Variants in CNTLN observed in about 807,000 individuals in gnomAD.
The protein encoded by CNTLN is centlein, centrosomal protein.
CNTLN carries 212 observed loss-of-function variants against 180.0 expected under a neutral mutation model. The ratio of observed to expected loss-of-function variants is 1.18; its 90% confidence interval spans 1.05 to 1.32. CNTLN has a LOEUF of 1.32. Ranked by LOEUF, CNTLN falls within the 40% of genes most tolerant of loss-of-function variation. The pLI, the probability that CNTLN is intolerant of heterozygous loss-of-function variation, is 0.00. For synonymous variants in CNTLN, 722 were observed against 563.1 expected (o/e 1.28, Z -3.99); for missense variants, 2,095 against 1,610.9 (o/e 1.30, Z -5.14).
rs141898296 is a variant in CNTLN at position 17,451,898 on chromosome 9, C to G, written c.3115-5626C>G. The stretch of plus-strand genomic sequence containing the variant: ...AAAGACTGAACTGTGTCTTTGAATG[C>G]TGTAGGATGGATATTGTCCAGAAAA... On this transcript the variant is annotated intron_variant, in intron 18 of 25. Transcript: ENST00000380647. 1.1e-3 allele frequency among the ~76,000 whole-genome samples: 173 copies of G among 152,258 alleles called. 1 individual carries two copies. The highest frequency in any genetic ancestry group is 4.0e-3 in the African/African-American group (165 of 41,552).
rs1278793391 is a variant in CNTLN at position 17,309,144 on chromosome 9, G to A, written c.1233G>A (p.Gln411=). 1.2e-6 allele frequency: 2 copies of A among 1,610,784 alleles called. No individual in the cohort carries two copies. Among genetic ancestry groups the A allele is most frequent in the South Asian group, 2.2e-5 (2 of 90,490 alleles). ...AAAGTGTTACTAATCTTCAGGATCAGCTATTACAAAAAGAGCAAGAAAATG... is the reference window on the plus strand; with the variant it reads ...AAAGTGTTACTAATCTTCAGGATCAACTATTACAAAAAGAGCAAGAAAATG... ...LRQSVTNLQD[Q]LLQKEQENAK... is the part of the protein sequence containing the mutation. The change falls in exon 8 of 26, where the codon CAG becomes CAA. Residue 411 remains glutamine (Q), a synonymous_variant. Coordinates refer to ENST00000380647, the MANE Select transcript of CNTLN (RefSeq NM_017738.4).
chr9:17,158,468 A>T (rs951190872), intron 2 of CNTLN, among the ~76,000 whole-genome samples: 1 of 151,950 alleles, frequency 6.6e-6, no homozygotes, highest in African/African-American at 2.4e-5. Context: ...TTCTTTTTTA[A>T]ATATTTGGTA....
intron 25 of CNTLN, among the ~76,000 whole-genome samples, chr9:17,497,111 G>A (rs1163929015): frequency 6.6e-6 from 1 of 152,128 alleles, no homozygotes; most frequent in East Asian, 1.9e-4. Context: ...TTTTGTGCTG[G>A]TATCATTGCC....
chr9:17,308,176 A>G (rs1451969010), intron 7 of CNTLN, among the ~76,000 whole-genome samples: 1 of 152,180 alleles, frequency 6.6e-6, no homozygotes, highest in African/African-American at 2.4e-5. Flanking sequence ...TGTTAACCTT[A>G]TATTACTGTC....
chr9:17,183,007 AGTCTGGTGTCTGC>A (rs1420756351), intron 2 of CNTLN, among the ~76,000 whole-genome samples: 4 of 152,178 alleles, frequency 2.6e-5, no homozygotes, highest in Admixed American at 6.5e-5. Flanking sequence ...GTGTCTTCAA[AGTCTGGTGTCTGC>A]ATCTGTGAGT....
intron 12 of CNTLN, among the ~76,000 whole-genome samples, chr9:17,354,685 A>T (rs990506478): frequency 1.1e-4 from 17 of 152,002 alleles, no homozygotes; most frequent in Non-Finnish European, 2.5e-4. Flanking sequence ...GCCCTGTCAA[A>T]AGAGGCCACT....
chr9:17,301,890 C>T (rs1818382082), intron 7 of CNTLN: 7 of 931,718 alleles, frequency 7.5e-6, no homozygotes, highest in Non-Finnish European at 7.7e-6. Context: ...TATTTGTTAG[C>T]ACACTAGTAT....
intron 12 of CNTLN, among the ~76,000 whole-genome samples, chr9:17,344,353 G>A (rs1283875328): frequency 2.6e-5 from 4 of 152,126 alleles, no homozygotes; most frequent in Admixed American, 6.6e-5. Flanking sequence ...AGCAATTTGT[G>A]AAATAGTTAT....
chr9:17,437,706 A>G (rs1222891151), intron 18 of CNTLN, among the ~76,000 whole-genome samples: 3 of 152,222 alleles, frequency 2.0e-5, no homozygotes, highest in Non-Finnish European at 2.9e-5. Context: ...GCGCTATAAT[A>G]ATGGAATATT....
chr9:17,209,915 T>C (rs1436610834), intron 2 of CNTLN, among the ~76,000 whole-genome samples: 1 of 152,214 alleles, frequency 6.6e-6, no homozygotes, highest in East Asian at 1.9e-4. Flanking sequence ...ACTTGAAAAG[T>C]AAATATTTTT....
At chr9:17,369,812 C>A (rs1324140032) in intron 13 of CNTLN, among the ~76,000 whole-genome samples, 3 of 151,572 alleles carry the variant, frequency 2.0e-5, no homozygotes, top group Non-Finnish European at 4.4e-5. Context: ...TATGGTGGAA[C>A]CCTGTCTCTA....
At chr9:17,213,644 T>G (rs1232318747) in intron 2 of CNTLN, among the ~76,000 whole-genome samples, 1 of 152,204 alleles carries the variant, frequency 6.6e-6, no homozygotes, top group Non-Finnish European at 1.5e-5. Context: ...CTGTCTAATG[T>G]TGACAGTGGG....
At chr9:17,220,757 C>A (rs543296921) in intron 2 of CNTLN, among the ~76,000 whole-genome samples, 3 of 152,146 alleles carry the variant, frequency 2.0e-5, no homozygotes, top group Admixed American at 2.0e-4. Context: ...CCATCCCTGT[C>A]CCTGCAAAGG....
chr9:17,144,275 T>C (rs1410050866), intron 2 of CNTLN, among the ~76,000 whole-genome samples: 1 of 152,172 alleles, frequency 6.6e-6, no homozygotes, highest in African/African-American at 2.4e-5. Context: ...GTATAATCAG[T>C]TTCTTCTCAT....
At chr9:17,165,103 G>T (rs550056669) in intron 2 of CNTLN, among the ~76,000 whole-genome samples, 2 of 152,190 alleles carry the variant, frequency 1.3e-5, no homozygotes, top group South Asian at 2.1e-4. Flanking sequence ...CTCCCAAAGT[G>T]CTGGGATTAC....
chr9:17,277,733 A>G (rs1828402595), intron 6 of CNTLN, among the ~76,000 whole-genome samples: 1 of 152,126 alleles, frequency 6.6e-6, no homozygotes, highest in Non-Finnish European at 1.5e-5. Context: ...TATACCAGCG[A>G]AACATATTAG....
intron 5 of CNTLN, among the ~76,000 whole-genome samples, chr9:17,270,653 A>G (rs983662797): frequency 2.0e-5 from 3 of 152,150 alleles, no homozygotes; most frequent in African/African-American, 4.8e-5. Flanking sequence ...TGTTTCTCAC[A>G]AGATGGGGGT....
At chr9:17,444,699 G>A (rs1830302724) in intron 18 of CNTLN, among the ~76,000 whole-genome samples, 1 of 152,170 alleles carries the variant, frequency 6.6e-6, no homozygotes, top group Admixed American at 6.5e-5. Context: ...CCTTGATGTA[G>A]CATAACTGCC....
At chr9:17,482,450 A>G (rs1443545057) in intron 23 of CNTLN, among the ~76,000 whole-genome samples, 1 of 152,148 alleles carries the variant, frequency 6.6e-6, no homozygotes, top group Non-Finnish European at 1.5e-5. Context: ...ACAGATAAAG[A>G]CCTAAACAAA....
Sources: gnomAD v4.1 joint callset for allele counts (sites outside exome capture counted in the v4.1 genomes callset) on GRCh38, gnomAD v4.1.1 for gene constraint, MANE v1.5 for transcripts, NCBI Gene and HGNC (gene_info 2026-07-23, HGNC 2026-07-21) for gene names.